Variants in ZDHHC15 observed in about 807,000 individuals in gnomAD.
ZDHHC15 encodes zDHHC palmitoyltransferase 15, also known as palmitoyltransferase ZDHHC15.
A neutral mutation model predicts 31.7 loss-of-function variants in ZDHHC15; 19 were observed. The ratio of observed to expected loss-of-function variants is 0.60; its 90% CI spans 0.42 to 0.88. ZDHHC15 has a LOEUF of 0.88. Ranked by LOEUF, ZDHHC15 falls within the 40% of genes least tolerant of loss-of-function variation. The pLI, the probability that ZDHHC15 is intolerant of heterozygous loss-of-function variation, is 0.00. For synonymous variants in ZDHHC15, 103 were observed against 90.0 expected (o/e 1.14, Z -0.82); for missense variants, 209 against 251.2 (o/e 0.83, Z 1.14).
chrX:75,501,354 T>C (rs1053987109), intron 2 of ZDHHC15: 1 of 112,153 alleles, frequency 8.9e-6, no homozygotes, highest in Non-Finnish European at 1.9e-5. Flanking sequence ...CAATCTGTCA[T>C]TGATGGGCAT....
chrX:75,483,828 C>T (rs2084732795), intron 2 of ZDHHC15, among the ~76,000 whole-genome samples: 1 of 111,048 alleles, frequency 9.0e-6, no homozygotes, highest in African/African-American at 3.3e-5. Context: ...AGACTACACA[C>T]ACACACCCAC....
intron 3 of ZDHHC15, among the ~76,000 whole-genome samples, chrX:75,456,437 G>T (rs2084223597): frequency 9.0e-6 from 1 of 110,620 alleles, no homozygotes; most frequent in East Asian, 2.9e-4. Flanking sequence ...CACCAACATG[G>T]CACATATATA....
intron 2 of ZDHHC15, among the ~76,000 whole-genome samples, chrX:75,496,431 G>C (rs900202518): frequency 9.0e-6 from 1 of 111,236 alleles, no homozygotes; most frequent in African/African-American, 3.3e-5. Context: ...TCAACTGACA[G>C]CACTAGACTG....
At chrX:75,415,311 A>C (rs2083537248) in intron 10 of ZDHHC15, among the ~76,000 whole-genome samples, 1 of 111,718 alleles carries the variant, frequency 9.0e-6, no homozygotes, top group Admixed American at 9.5e-5. Flanking sequence ...CAGCATGAGA[A>C]CTTGCATTAG....
chrX:75,385,742 T>C (rs2147767380), intron 10 of ZDHHC15, among the ~76,000 whole-genome samples: 1 of 111,479 alleles, frequency 9.0e-6, no homozygotes, highest in South Asian at 3.8e-4. Context: ...TTGCCACCAA[T>C]CTAGATCCTA....
At chrX:75,472,949 G>A (rs2084527229) in intron 3 of ZDHHC15, among the ~76,000 whole-genome samples, 1 of 112,166 alleles carries the variant, frequency 8.9e-6, no homozygotes, top group South Asian at 3.7e-4. Context: ...ATTAGGAATG[G>A]GCAGAGGTTT....
intron 4 of ZDHHC15, among the ~76,000 whole-genome samples, chrX:75,445,294 C>T (rs139864368): frequency 0.015 from 1,693 of 111,458 alleles, 9 homozygotes; most frequent in Middle Eastern, 0.046. Flanking sequence ...TTTGATGATG[C>T]TAATGACACT....
intron 8 of ZDHHC15, among the ~76,000 whole-genome samples, chrX:75,423,998 T>G (rs773767507): frequency 1.3e-4 from 15 of 111,515 alleles, no homozygotes; most frequent in African/African-American, 4.9e-4. Flanking sequence ...TGAAATAAAA[T>G]GTACTGGAAT....
At chrX:75,450,393 C>A (rs2084098783) in intron 4 of ZDHHC15, among the ~76,000 whole-genome samples, 1 of 111,249 alleles carries the variant, frequency 9.0e-6, no homozygotes, top group South Asian at 3.7e-4. Context: ...TGGAATGGTA[C>A]CCTTAAGATT....
chrX:75,474,858 C>A (rs1285493612), intron 3 of ZDHHC15, among the ~76,000 whole-genome samples: 1 of 109,726 alleles, frequency 9.1e-6, no homozygotes, highest in Admixed American at 9.9e-5. Flanking sequence ...GAGATCGAGA[C>A]CATCCTGGCT....
chrX:75,476,335 T>C (rs1033308965), intron 3 of ZDHHC15, among the ~76,000 whole-genome samples: 5 of 110,805 alleles, frequency 4.5e-5, no homozygotes, highest in African/African-American at 9.8e-5. Flanking sequence ...AGCCATCTGG[T>C]CCTTGGGTTT....
rs752323691 is a variant in ZDHHC15 at position 75,437,048 on chromosome X, AT to A, written c.380-5529del. 3.8e-3 allele frequency among the ~76,000 whole-genome samples: 418 copies of A among 109,843 alleles called. 1 individual carries two copies. Among genetic ancestry groups the A allele is most frequent in the Non-Finnish European group, 6.2e-3 (325 of 52,556 alleles). On this transcript the variant is annotated intron_variant, in intron 4 of 11. Transcript: ENST00000373367. ...AGGCACCCACCACCATGCCCGGCTA[AT>A]TTTTTGTGTTTTTAGTAGAGATGGG...
intron 3 of ZDHHC15, among the ~76,000 whole-genome samples, chrX:75,477,550 C>T (rs779109527): frequency 2.7e-5 from 3 of 111,695 alleles, no homozygotes; most frequent in Non-Finnish European, 5.7e-5. Context: ...TTATTACACA[C>T]ATATATTTTA....
At chrX:75,501,325 GCAC>G (rs201148576) in intron 2 of ZDHHC15, among the ~76,000 whole-genome samples, 1,803 of 111,628 alleles carry the variant, frequency 0.016, 20 homozygotes, top group Non-Finnish European at 0.027. Context: ...TGGTGTGTAT[GCAC>G]CACATTTGCT....
At chrX:75,433,697 G>GTATATATATA (rs779122973) in intron 4 of ZDHHC15, among the ~76,000 whole-genome samples, 1 of 6,630 alleles carries the variant, frequency 1.5e-4, no homozygotes, top group African/African-American at 1.8e-4. Flanking sequence ...GTGTGTGTGT[G>GTATATATATA]TATATATATA....
At chrX:75,402,488 G>A (rs2083368154) in intron 10 of ZDHHC15, among the ~76,000 whole-genome samples, 1 of 110,158 alleles carries the variant, frequency 9.1e-6, no homozygotes, top group African/African-American at 3.3e-5. Context: ...AAATGGATAG[G>A]CCACTAGCTA....
intron 1 of ZDHHC15, among the ~76,000 whole-genome samples, chrX:75,516,905 C>G (rs1380604364): frequency 8.9e-6 from 1 of 112,058 alleles, no homozygotes; most frequent in Admixed American, 9.5e-5. Flanking sequence ...AATCAAACAA[C>G]TCCATCAAAA....
intron 7 of ZDHHC15, among the ~76,000 whole-genome samples, chrX:75,428,449 G>T (rs2083739350): frequency 9.0e-6 from 1 of 111,495 alleles, no homozygotes; most frequent in African/African-American, 3.3e-5. Flanking sequence ...TAAAGGTAAA[G>T]CACTTTCAAC....
rs1170812573 is a variant in ZDHHC15, at chrX:75,444,822, A to T, written c.379+5980T>A. ...TCCGTTATAAAAAAAAATTCAGAGG[A>T]AGGGAGAATTTGTTCTCTCTGCCTG... On this transcript the variant is annotated intron_variant, in intron 4 of 11. Transcript: ENST00000373367. Among the ~76,000 whole-genome samples, 10 of 107,123 alleles carry T rather than the reference A, an allele frequency of 9.3e-5. 1 individual carries two copies. Among genetic ancestry groups the T allele is most frequent in the Non-Finnish European group, 3.8e-5 (2 of 52,117 alleles). 93.0% of individuals were successfully genotyped at this position (107,123 alleles called of 115,157 possible).
Sources: gnomAD v4.1 joint callset for allele counts (sites outside exome capture counted in the v4.1 genomes callset) on GRCh38, gnomAD v4.1.1 for gene constraint, MANE v1.5 for transcripts, NCBI Gene and HGNC (gene_info 2026-07-23, HGNC 2026-07-21) for gene names.